Variants in IL1RN observed in about 807,000 individuals in gnomAD.
IL1RN encodes interleukin-1 receptor antagonist protein.
Under a neutral mutation model 13.7 loss-of-function variants are expected in IL1RN, and 10 were observed. The ratio of observed to expected loss-of-function variants is 0.73; its 90% confidence interval spans 0.45 to 1.24. The LOEUF (loss-of-function observed/expected upper bound fraction) is 1.24. Among genes scored for constraint, IL1RN ranks in the 50% most tolerant of loss-of-function variants. The probability of loss-of-function intolerance (pLI) is 0.00; values close to 1 mark genes in which losing one functional copy is unlikely to be tolerated. For missense variants in IL1RN, 213 were observed against 222.1 expected (o/e 0.96, Z 0.26); for synonymous variants, 102 against 82.7 (o/e 1.23, Z -1.27).
upstream of IL1RN, among the ~76,000 whole-genome samples, chr2:113,106,855 G>C (rs1686394057): frequency 6.6e-6 from 1 of 151,556 alleles, no homozygotes; most frequent in South Asian, 2.1e-4. Flanking sequence ...TAAAAAGTGA[G>C]CAAGAAGCAA....
At chr2:113,113,480 T>C (rs539608369), upstream of IL1RN, among the ~76,000 whole-genome samples, 10 of 152,228 alleles carry the variant, frequency 6.6e-5, no homozygotes, top group East Asian at 1.9e-3. Context: ...GATAAATAAG[T>C]TCTGGAGGTT....
upstream of IL1RN, among the ~76,000 whole-genome samples, chr2:113,124,882 G>T (rs1303675925): frequency 1.3e-5 from 2 of 152,144 alleles, no homozygotes; most frequent in Non-Finnish European, 2.9e-5. Context: ...GGACACAGCG[G>T]GGAAATGACA....
chr2:113,128,202 G>A (rs1222064565), intron 1 of IL1RN, among the ~76,000 whole-genome samples: 3 of 152,258 alleles, frequency 2.0e-5, no homozygotes, highest in African/African-American at 4.8e-5. Flanking sequence ...ATAACTCCTT[G>A]TGTGCCTTAC....
upstream of IL1RN, chr2:113,127,590 G>C (rs56046326): frequency 3.1e-6 from 5 of 1,611,072 alleles, no homozygotes; most frequent in Middle Eastern, 8.3e-4. Context: ...CTCTGGGCCC[G>C]CAATGGCAGT....
chr2:113,133,249 C>G lies in IL1RN; in HGVS notation c.*378C>G. 1 of 336,436 alleles carries G rather than the reference C, an allele frequency of 3.0e-6. No individual in the cohort carries two copies. The highest frequency in any genetic ancestry group is 5.7e-6 in the Non-Finnish European group (1 of 174,662). 20.8% of individuals were successfully genotyped at this position (336,436 alleles called of 1,614,324 possible). On this transcript the variant is annotated 3_prime_UTR_variant, in exon 4 of 4. Coordinates refer to ENST00000409930, the MANE Select transcript of IL1RN (RefSeq NM_173842.3). ...GATCCATCAGGCCACTTGATGACCC[C>G]CAACCAAGTGGCTCCCACACCCTGT...
chr2:113,126,540 A>G (rs1431260848), upstream of IL1RN, among the ~76,000 whole-genome samples: 1 of 152,170 alleles, frequency 6.6e-6, no homozygotes, highest in Non-Finnish European at 1.5e-5. Flanking sequence ...TTTCCTACCC[A>G]TAAAATAGGA....
chr2:113,108,308 G>C (rs904932954), upstream of IL1RN, among the ~76,000 whole-genome samples: 6 of 151,420 alleles, frequency 4.0e-5, no homozygotes, highest in Non-Finnish European at 7.4e-5. Flanking sequence ...TGTGCACAAC[G>C]TGCAGGTTTG....
upstream of IL1RN, among the ~76,000 whole-genome samples, chr2:113,108,593 A>T (rs1054191997): frequency 6.6e-6 from 1 of 152,124 alleles, no homozygotes; most frequent in Non-Finnish European, 1.5e-5. Context: ...CCTCAATTCC[A>T]TCTGTAACCT....
chr2:113,099,631 T>TGG, the IL1RN span, among the ~76,000 whole-genome samples: 1 of 151,880 alleles, frequency 6.6e-6, no homozygotes, highest in Non-Finnish European at 1.5e-5. Flanking sequence ...GTTCACGATG[T>TGG]GGGTCTCCAT....
At chr2:113,101,591 G>A in the IL1RN span, among the ~76,000 whole-genome samples, 94 of 152,150 alleles carry the variant, frequency 6.2e-4, no homozygotes, top group South Asian at 1.0e-2. Context: ...GTTAACAATA[G>A]CATCCCAACA....
upstream of IL1RN, among the ~76,000 whole-genome samples, chr2:113,108,021 A>C (rs1686413398): frequency 6.6e-6 from 1 of 152,200 alleles, no homozygotes; most frequent in Admixed American, 6.5e-5. Context: ...GCTTTAAAAA[A>C]CACGAAATTA....
chr2:113,105,022 A>G (rs540856846), upstream of IL1RN, among the ~76,000 whole-genome samples: 1 of 152,350 alleles, frequency 6.6e-6, no homozygotes, highest in Non-Finnish European at 1.5e-5. Flanking sequence ...ATAAAAACAA[A>G]GACATGGGAA....
chr2:113,131,267 T>G, intron 3 of IL1RN, 110 bp downstream of exon 3: 1 of 743,022 alleles, frequency 1.3e-6, no homozygotes, highest in Non-Finnish European at 2.5e-6. Context: ...GGTAGTTCTG[T>G]TCCATGTGGT....
At chr2:113,116,946 A>C (rs1416595817), upstream of IL1RN, among the ~76,000 whole-genome samples, 1 of 152,162 alleles carries the variant, frequency 6.6e-6, no homozygotes, top group African/African-American at 2.4e-5. Context: ...TGGTGTGCCC[A>C]CACACACACA....
At position 113,133,198 on chromosome 2, in the gene IL1RN, C is replaced by G. The variant is rs1687236630; in HGVS notation, c.*327C>G. On this transcript the variant is annotated 3_prime_UTR_variant, in exon 4 of 4. Transcript: ENST00000409930. ...TCTCCTCTTGCCACTGCCTCTTCCT[C>G]CCTCATTCCACCTTCCCATGCCCTG... The G allele has an allele frequency of 4.7e-6, 2 of 425,772 alleles. No homozygotes were observed. The highest frequency in any genetic ancestry group is 2.0e-5 in the African/African-American group (1 of 49,290). 26.4% of individuals were successfully genotyped at this position (425,772 alleles called of 1,614,324 possible). A position where few individuals can be genotyped will look rare whatever the true frequency, so the allele number is the denominator to read the frequency against.
intron 2 of IL1RN, among the ~76,000 whole-genome samples, chr2:113,121,915 C>T (rs1686795275): frequency 6.6e-6 from 1 of 152,162 alleles, no homozygotes; most frequent in African/African-American, 2.4e-5. Flanking sequence ...CAGATTATAC[C>T]CTGGGGGTTT....
At chr2:113,130,040 G>A in intron 2 of IL1RN, 1 of 282,818 alleles carries the variant, frequency 3.5e-6, no homozygotes, top group Non-Finnish European at 7.1e-6. Context: ...CCATGTATAA[G>A]GTTGAGCTAT....
In IL1RN at chr2:113,132,217, G is replaced by A. The variant is rs1280932111; in HGVS notation, c.319-439G>A. Among the ~76,000 whole-genome samples the A allele has an allele frequency of 3.9e-5, 6 of 152,228 alleles. No homozygotes were observed. The South Asian group carries it at 1.2e-3, about 31-fold the overall frequency. On this transcript the variant is annotated intron_variant, in intron 3 of 3. Transcript: ENST00000409930. ...TAATCCCAGCACTTTGAGAAGCCAA[G>A]GTGGGCAGATCACGAGGTCAGGAGT...
chr2:113,111,895 C>T (rs979157939), intron 1 of IL1RN, among the ~76,000 whole-genome samples: 2 of 152,264 alleles, frequency 1.3e-5, no homozygotes, highest in Non-Finnish European at 2.9e-5. Context: ...TACAACAGAA[C>T]GAGACAAACA....
Sources: gnomAD v4.1 joint callset for allele counts (sites outside exome capture counted in the v4.1 genomes callset) on GRCh38, gnomAD v4.1.1 for gene constraint, MANE v1.5 for transcripts, NCBI Gene and HGNC (gene_info 2026-07-23, HGNC 2026-07-21) for gene names.